IGSF1: variants seen among roughly 807,000 people sequenced by gnomAD.
IGSF1 encodes immunoglobulin-like domain-containing protein 1.
A neutral mutation model predicts 95.3 loss-of-function variants in IGSF1; 40 were observed. The observed-to-expected ratio is 0.42, with a 90% CI of 0.33 to 0.55. IGSF1 has a LOEUF of 0.55. Among genes scored for constraint, IGSF1 ranks in the 20% least tolerant of loss-of-function variants. The pLI is 0.10. For missense variants in IGSF1, 906 were observed against 1,025.4 expected (o/e 0.88, Z 1.59); for synonymous variants, 372 against 382.9 (o/e 0.97, Z 0.33).
At position 131,285,474 on chromosome X, in the gene IGSF1, G is replaced by GA; in HGVS notation, c.380-9dup. ...TGGGCTTGGGCAGTTGGCCTGGAAG[G>GA]ATAGAATGAACTGGAATTAGGTAAA... On this transcript the variant is annotated splice_polypyrimidine_tract_variant and intron_variant, in intron 4 of 19. Transcript: ENST00000361420. 1 of 1,197,966 alleles carries GA rather than the reference G, an allele frequency of 8.3e-7. No homozygotes were observed. Among genetic ancestry groups the GA allele is most frequent in the East Asian group, 3.0e-5 (1 of 33,703 alleles).
At chrX:131,281,373 A>C (rs1472323636) in intron 8 of IGSF1, 35 bp from the exon 9 acceptor site, 1 of 1,206,645 alleles carries the variant, frequency 8.3e-7, no homozygotes, top group South Asian at 1.8e-5. Flanking sequence ...AGAGGCCTTG[A>C]TGGGGACAGG....
At chrX:131,281,114 G>C (rs2080551844) in intron 9 of IGSF1, 104 bp downstream of exon 9, 4 of 904,741 alleles carry the variant, frequency 4.4e-6, no homozygotes, top group Non-Finnish European at 6.3e-6. Flanking sequence ...CCAGAAGATA[G>C]GGGTTCTATA....
chrX:131,288,064 A>G (rs1173937048), intron 1 of IGSF1, among the ~76,000 whole-genome samples: 2 of 111,895 alleles, frequency 1.8e-5, no homozygotes, highest in African/African-American at 3.2e-5. Context: ...CGTGTTCAAA[A>G]TATCTGGACT....
Position 131,275,704 on chromosome X carries a change from A to G in IGSF1, c.2958T>C (p.Asn986=), listed in dbSNP as rs2080465020. 1 of 1,209,651 alleles carries G rather than the reference A, an allele frequency of 8.3e-7. No individual in the cohort carries two copies. The highest frequency in any genetic ancestry group is 1.8e-5 in the South Asian group (1 of 56,783). ...CCGGCCCTCGGCACCAGAGAGTAAC[A>G]TTCTGCCCCATGGGAACCACAGAAC... is the stretch of plus-strand genomic sequence containing the variant. ...EPSSVVPMGQ[N]VTLWCRGPVH... The change falls in exon 16 of 20, where the codon AAT becomes AAC. Residue 986 remains asparagine (N), a synonymous_variant. Coordinates refer to ENST00000361420, the MANE Select transcript of IGSF1 (RefSeq NM_001555.5).
At chrX:131,285,732 C>T (rs762108339) in intron 4 of IGSF1, 35 bp downstream of exon 4, 4 of 1,162,172 alleles carry the variant, frequency 3.4e-6, no homozygotes, top group Non-Finnish European at 4.6e-6. Context: ...ATCTCAGGAG[C>T]TGGAGTTGAT....
In IGSF1 at chrX:131,285,469, G is replaced by A; in HGVS notation, c.380-3C>T. ...GAAGATGGGCTTGGGCAGTTGGCCTGGAAGGATAGAATGAACTGGAATTAG... is the reference window on the plus strand; with the variant it reads ...GAAGATGGGCTTGGGCAGTTGGCCTAGAAGGATAGAATGAACTGGAATTAG... On this transcript the variant is annotated splice_polypyrimidine_tract_variant and splice_region_variant and intron_variant, in intron 4 of 19. Transcript: ENST00000361420. 1 of 1,202,120 alleles carries A rather than the reference G, an allele frequency of 8.3e-7. No individual in the cohort carries two copies. Among genetic ancestry groups the A allele is most frequent in the Non-Finnish European group, 1.1e-6 (1 of 890,649 alleles).
chrX:131,286,707 C>G lies in IGSF1; in HGVS notation c.-33G>C, dbSNP rs747904676. 2 of 1,110,375 alleles carry G rather than the reference C, an allele frequency of 1.8e-6. No individual in the cohort carries two copies. Among genetic ancestry groups the G allele is most frequent in the Admixed American group, 3.3e-5 (1 of 30,406 alleles). The allele number at this position is 1,110,375 out of a possible 1,213,427, so 91.5% of individuals were successfully genotyped here. ...CTGGTGCTGGCTGTGTGCTCTGAGT[C>G]TTGAAGAATTTTTCTCCTCAGCAGG... On this transcript the variant is annotated 5_prime_UTR_variant, in exon 2 of 20. Transcript: ENST00000361420.
chrX:131,274,055 A>C (rs2124075093), intron 19 of IGSF1, 28 bp downstream of exon 19: 1 of 1,211,060 alleles, frequency 8.3e-7, no homozygotes, highest in East Asian at 3.0e-5. Flanking sequence ...GGTTCACAGA[A>C]GGGGGCCATA....
At chrX:131,288,673 A>T (rs1299610753) in intron 1 of IGSF1, among the ~76,000 whole-genome samples, 2 of 110,987 alleles carry the variant, frequency 1.8e-5, no homozygotes, top group Non-Finnish European at 3.8e-5. Flanking sequence ...AGCCCAGATG[A>T]TGAATCTTAT....
rs955509028 is a variant in IGSF1, at chrX:131,279,441, A to G, written c.1647-100T>C. 2.0e-4 allele frequency: 127 copies of G among 643,374 alleles called. 1 individual carries two copies. In the Middle Eastern group the frequency reaches 2.2e-3, roughly 11 times the overall value. 53.0% of individuals were successfully genotyped at this position (643,374 alleles called of 1,213,427 possible). On this transcript the variant is annotated intron_variant, in intron 9 of 19. Coordinates refer to ENST00000361420, the MANE Select transcript of IGSF1 (RefSeq NM_001555.5). ...ATGTCATTGGCTTACTCGCTACCCA[A>G]TGGGGACTGGATATGGCCAAGATAA...
intron 4 of IGSF1, 38 bp downstream of exon 4, chrX:131,285,729 G>A (rs1174531418): frequency 8.6e-7 from 1 of 1,156,406 alleles, no homozygotes; most frequent in Admixed American, 2.4e-5. Context: ...TGAATCTCAG[G>A]AGCTGGAGTT....
Position 131,282,660 on chromosome X carries a change from G to A in IGSF1, c.1030C>T (p.Arg344Ter), listed in dbSNP as rs1412267674. 8.3e-7 allele frequency: 1 copy of A among 1,208,184 alleles called. No individual in the cohort carries two copies. The highest frequency in any genetic ancestry group is 1.1e-6 in the Non-Finnish European group (1 of 893,721). ...QMGQNVSLRCRGPVDGVGLAL... is the reference protein window; with the variant it reads ...QMGQNVSLRC ...AGACCCACTCCATCCACTGGTCCTCGACACCGTAGGCTCACATTCTGACCC... is the reference window on the plus strand; with the variant it reads ...AGACCCACTCCATCCACTGGTCCTCAACACCGTAGGCTCACATTCTGACCC... Residue 344 changes from arginine (R) to a stop codon, truncating the protein, a stop_gained, in exon 7 of 20, where the codon CGA becomes TGA. Coordinates refer to ENST00000361420, the MANE Select transcript of IGSF1 (RefSeq NM_001555.5). LOFTEE classifies it high-confidence loss of function.
At chrX:131,279,483 T>C in intron 9 of IGSF1, 142 bp from the exon 10 acceptor site, 2 of 500,835 alleles carry the variant, frequency 4.0e-6, no homozygotes, top group Non-Finnish European at 3.5e-6. Context: ...ATAATCTTAT[T>C]TGACATCAAT....
At chrX:131,275,438 T>C (rs747775765) in intron 16 of IGSF1, 40 bp downstream of exon 16, 212 of 1,185,763 alleles carry the variant, frequency 1.8e-4, no homozygotes, top group Non-Finnish European at 2.3e-4. Context: ...TTCCCTCCTT[T>C]CTACACTTCC....
At chrX:131,287,311 T>G (rs1213309520) in intron 1 of IGSF1, among the ~76,000 whole-genome samples, 1 of 109,166 alleles carries the variant, frequency 9.2e-6, no homozygotes, top group Non-Finnish European at 1.9e-5. Flanking sequence ...TCAAAAGATA[T>G]TAAATATTAG....
intron 9 of IGSF1, 59 bp from the exon 10 acceptor site, chrX:131,279,400 A>T (rs1307533751): frequency 3.5e-5 from 34 of 980,242 alleles, no homozygotes; most frequent in Non-Finnish European, 4.8e-5. Context: ...GGGTGGAGGA[A>T]AGGGGGCGGC....
intron 1 of IGSF1, 41 bp downstream of exon 1, chrX:131,289,173 T>C (rs2080684902): frequency 2.7e-6 from 1 of 373,528 alleles, no homozygotes; most frequent in African/African-American, 2.6e-5. Flanking sequence ...CAGTATTTAA[T>C]ATTCAGCCAC....
Position 131,285,782 on chromosome X carries a change from C to G in IGSF1, c.364G>C (p.Glu122Gln), listed in dbSNP as rs200156640. 2.3e-5 allele frequency: 28 copies of G among 1,207,619 alleles called. No homozygotes were observed. Among genetic ancestry groups the G allele is most frequent in the Non-Finnish European group, 3.0e-5 (27 of 893,741 alleles). ...GTCATCTTACCTGGTGCCTCCAACT[C>G]TAGAACTTTACTGGGCTTTGACCAG... ...TGWSKPSKVLELEAPGQLPKP... is the reference protein window; with the variant it reads ...TGWSKPSKVLQLEAPGQLPKP... The change falls in exon 4 of 20, where the codon GAG becomes CAG. Residue 122 changes from glutamate (E) to glutamine (Q), a missense_variant. By Grantham distance (29) the Glu-to-Gln change is conservative. Coordinates refer to ENST00000361420, the MANE Select transcript of IGSF1 (RefSeq NM_001555.5).
chrX:131,278,742 A>G lies in IGSF1; in HGVS notation c.1760T>C (p.Met587Thr), dbSNP rs374714621. 7.3e-5 allele frequency: 88 copies of G among 1,206,189 alleles called. No individual in the cohort carries two copies. The highest frequency in any genetic ancestry group is 9.4e-5 in the Non-Finnish European group (84 of 892,934). Residue 587 changes from methionine to threonine, a missense_variant, in exon 12 of 20, where the codon ATG (methionine) becomes ACG (threonine). Met to Thr is a moderately conservative substitution (Grantham distance 81). This residue lies in a region of IGSF1 where 442 missense variants were observed against 448.1 expected (regional missense o/e 0.99). Coordinates refer to ENST00000361420, the MANE Select transcript of IGSF1 (RefSeq NM_001555.5). ...GVLIEETEIV[M>T]PTPKPELWAE... ...CCACAGCTCAGGCTTAGGGGTTGGC[A>G]TGACTATTTCTAGAAACAGCAGAAT...
Sources: gnomAD v4.1 joint callset for allele counts (sites outside exome capture counted in the v4.1 genomes callset) on GRCh38, gnomAD v4.1.1 for gene constraint, gnomAD v4.1.1 regional missense constraint, MANE v1.5 for transcripts, NCBI Gene and HGNC (gene_info 2026-07-23, HGNC 2026-07-21) for gene names.